The following SORCS1 variants were observed in gnomAD, a reference collection of about 807,000 sequenced individuals.
SORCS1 encodes VPS10 domain-containing receptor SorCS1.
A neutral mutation model predicts 146.1 loss-of-function variants in SORCS1; 60 were observed. That is an observed-to-expected ratio of 0.41 (90% confidence interval 0.33 to 0.51). The LOEUF is 0.51. Ranked by LOEUF, SORCS1 falls within the 20% of genes least tolerant of loss-of-function variation. The pLI is 0.21. For synonymous variants in SORCS1, 637 were observed against 584.0 expected (o/e 1.09, Z -1.31); for missense variants, 1,352 against 1,487.6 (o/e 0.91, Z 1.50).
intron 1 of SORCS1, among the ~76,000 whole-genome samples, chr10:107,138,818 GCGGT>G (rs1967558055): frequency 6.6e-6 from 1 of 152,130 alleles, no homozygotes; most frequent in Non-Finnish European, 1.5e-5. Context: ...GTGCCTCTAC[GCGGT>G]CCATACTTTC....
chr10:106,805,967 C>G (rs1364452806), intron 3 of SORCS1, among the ~76,000 whole-genome samples: 3 of 143,164 alleles, frequency 2.1e-5, no homozygotes, highest in South Asian at 2.2e-4. Flanking sequence ...GGCTGAGGCA[C>G]GAGAATGGCG....
At chr10:106,994,049 G>A (rs2139522464) in intron 1 of SORCS1, among the ~76,000 whole-genome samples, 1 of 108,902 alleles carries the variant, frequency 9.2e-6, no homozygotes, top group East Asian at 3.0e-4. Context: ...GGGTGACAGA[G>A]CAAGACCCCA....
chr10:106,705,347 C>T (rs1474010972), intron 8 of SORCS1, among the ~76,000 whole-genome samples: 1 of 152,106 alleles, frequency 6.6e-6, no homozygotes, highest in Non-Finnish European at 1.5e-5. Flanking sequence ...AGGGTGGTAG[C>T]CAAGAAAGAG....
Position 106,630,184 on chromosome 10 carries a change from A to T in SORCS1, c.2476-796T>A, listed in dbSNP as rs146617755. ...TCGTTATTTCTTGTTCCCTAATTGT[A>T]TCATAGGAAGGACGGAAGACACTTT... is the stretch of plus-strand genomic sequence containing the variant. On this transcript the variant is annotated intron_variant, in intron 18 of 25. Coordinates refer to ENST00000263054, the MANE Select transcript of SORCS1 (RefSeq NM_052918.5). 2.7e-3 allele frequency among the ~76,000 whole-genome samples: 410 copies of T among 152,336 alleles called. 3 individuals carry two copies. The highest frequency in any genetic ancestry group is 9.2e-3 in the African/African-American group (383 of 41,578).
At chr10:106,766,073 T>G (rs1049287819) in intron 4 of SORCS1, among the ~76,000 whole-genome samples, 1 of 152,126 alleles carries the variant, frequency 6.6e-6, no homozygotes, top group African/African-American at 2.4e-5. Context: ...GCTTCCCCGG[T>G]CAAGGGGTAG....
chr10:106,792,729 G>T (rs1030541609), intron 3 of SORCS1, among the ~76,000 whole-genome samples: 2 of 152,110 alleles, frequency 1.3e-5, no homozygotes, highest in Non-Finnish European at 2.9e-5. Context: ...GAAATAAATA[G>T]AAATTCTCTC....
chr10:106,778,661 A>G (rs569970799), intron 3 of SORCS1, among the ~76,000 whole-genome samples: 1 of 152,318 alleles, frequency 6.6e-6, no homozygotes, highest in South Asian at 2.1e-4. Context: ...GTCTCCAATC[A>G]CAATTAACAA....
chr10:106,933,127 C>A (rs890480359), intron 2 of SORCS1, among the ~76,000 whole-genome samples: 3 of 152,178 alleles, frequency 2.0e-5, no homozygotes, highest in Admixed American at 1.3e-4. Flanking sequence ...TGACAAATGG[C>A]AAGATGGGAG....
chr10:106,976,718 G>GGT (rs1956041097), intron 1 of SORCS1, among the ~76,000 whole-genome samples: 1 of 151,948 alleles, frequency 6.6e-6, no homozygotes, highest in Non-Finnish European at 1.5e-5. Context: ...AATTGGCTCC[G>GGT]GTGTGTGTTG....
At chr10:107,063,171 G>A (rs1478437947) in intron 1 of SORCS1, among the ~76,000 whole-genome samples, 1 of 152,118 alleles carries the variant, frequency 6.6e-6, no homozygotes, top group Non-Finnish European at 1.5e-5. Flanking sequence ...AAGTAAATGG[G>A]TATGGGTATG....
At chr10:106,967,509 T>C (rs1209751240) in intron 1 of SORCS1, among the ~76,000 whole-genome samples, 1 of 152,068 alleles carries the variant, frequency 6.6e-6, no homozygotes, top group African/African-American at 2.4e-5. Flanking sequence ...TCTTTCTACA[T>C]ATGGATAGTA....
At chr10:106,671,207 T>G in intron 16 of SORCS1, 30 bp downstream of exon 16, 1 of 1,613,500 alleles carries the variant, frequency 6.2e-7, no homozygotes, top group Non-Finnish European at 8.5e-7. Flanking sequence ...ATACACCAAA[T>G]GGCTCCAGGA....
At chr10:106,809,999 T>C (rs1589445939) in intron 3 of SORCS1, among the ~76,000 whole-genome samples, 4 of 152,246 alleles carry the variant, frequency 2.6e-5, no homozygotes, top group Admixed American at 1.3e-4. Flanking sequence ...GGCGGGCGGA[T>C]CACCTGCGGT....
chr10:107,154,488 A>C (rs776224856), intron 1 of SORCS1, among the ~76,000 whole-genome samples: 2 of 152,192 alleles, frequency 1.3e-5, no homozygotes, highest in Non-Finnish European at 2.9e-5. Context: ...TACAACACAC[A>C]GGTACAAAGT....
At chr10:106,815,329 A>AAATAGCAAC (rs1318713207) in intron 3 of SORCS1, among the ~76,000 whole-genome samples, 2 of 152,180 alleles carry the variant, frequency 1.3e-5, no homozygotes, top group Non-Finnish European at 2.9e-5. Flanking sequence ...GGAAGAAAAT[A>AAATAGCAAC]AAATAGCAAC....
intron 9 of SORCS1, among the ~76,000 whole-genome samples, chr10:106,698,195 C>T (rs1043815532): frequency 2.0e-5 from 3 of 152,146 alleles, no homozygotes; most frequent in Non-Finnish European, 4.4e-5. Flanking sequence ...GAAGATAGAA[C>T]ACATCATTGA....
chr10:106,676,693 G>A (rs965440595), intron 13 of SORCS1, among the ~76,000 whole-genome samples: 1 of 152,042 alleles, frequency 6.6e-6, no homozygotes, highest in Admixed American at 6.5e-5. Context: ...AGTAGACCTT[G>A]ACATTCTGAA....
intron 20 of SORCS1, 78 bp downstream of exon 20, chr10:106,620,350 C>T: frequency 6.5e-7 from 1 of 1,538,810 alleles, no homozygotes; most frequent in Non-Finnish European, 8.8e-7. Flanking sequence ...GGTTCATAAG[C>T]CATTTCATTC....
At chr10:106,949,944 ACAGGGAAAAAAAAGAT>A in intron 2 of SORCS1, among the ~76,000 whole-genome samples, 1 of 152,210 alleles carries the variant, frequency 6.6e-6, no homozygotes, top group Non-Finnish European at 1.5e-5. Context: ...CCCTAGTATA[ACAGGGAAAAAAAAGAT>A]GAATATATTT....
Sources: allele counts gnomAD v4.1 joint callset (sites outside exome capture counted in the v4.1 genomes callset), GRCh38; gene constraint gnomAD v4.1.1; transcripts MANE v1.5; gene names NCBI Gene and HGNC (gene_info 2026-07-23, HGNC 2026-07-21).